CTNND2: variants seen among roughly 807,000 people sequenced by gnomAD.
The protein encoded by CTNND2 is catenin delta-2.
Under a neutral mutation model 144.4 loss-of-function variants are expected in CTNND2, and 22 were observed. The ratio of observed to expected loss-of-function variants is 0.15; its 90% confidence interval spans 0.11 to 0.22. The LOEUF is 0.22. CTNND2 is among the 10% of genes least tolerant of loss of function. The pLI is 1.00. For missense variants in CTNND2, 1,353 were observed against 1,618.8 expected (o/e 0.84, Z 2.82); for synonymous variants, 751 against 695.6 (o/e 1.08, Z -1.25).
At position 11,340,987 on chromosome 5, in the gene CTNND2, T is replaced by C. The variant is rs143775516; in HGVS notation, c.1628+5385A>G. 1.5e-3 allele frequency among the ~76,000 whole-genome samples: 235 copies of C among 152,356 alleles called. 3 individuals are homozygous for C. In the East Asian group the frequency reaches 0.022, roughly 14 times the overall value. ...ACTGTTATAAACATTGTTGTCATCT[T>C]ACTGTCAAGAAACCCTAAAGTGAAC... On this transcript the variant is annotated intron_variant, in intron 9 of 21. Coordinates refer to ENST00000304623, the MANE Select transcript of CTNND2 (RefSeq NM_001332.4).
chr5:11,800,307 C>T (rs753619934), intron 1 of CTNND2, among the ~76,000 whole-genome samples: 16 of 152,046 alleles, frequency 1.1e-4, no homozygotes, highest in Middle Eastern at 3.4e-3. Context: ...TGATTCAATA[C>T]GATATGGTTT....
chr5:11,642,013 G>T (rs750226032), intron 2 of CTNND2, among the ~76,000 whole-genome samples: 1 of 151,884 alleles, frequency 6.6e-6, no homozygotes, highest in Admixed American at 6.6e-5. Flanking sequence ...AAGGTTTAGG[G>T]TAATTGTTTT....
chr5:11,700,979 A>G (rs1022290100), intron 2 of CTNND2, among the ~76,000 whole-genome samples: 1 of 152,218 alleles, frequency 6.6e-6, no homozygotes, highest in Non-Finnish European at 1.5e-5. Flanking sequence ...TCTTTATTTC[A>G]TGAGTAGCAT....
chr5:11,356,300 T>C (rs1431908669), intron 8 of CTNND2, among the ~76,000 whole-genome samples: 2 of 151,996 alleles, frequency 1.3e-5, no homozygotes, highest in Non-Finnish European at 2.9e-5. Flanking sequence ...CTTCAAAATA[T>C]ATGACAAAGC....
At chr5:11,367,791 G>A (rs1480376453) in intron 7 of CTNND2, among the ~76,000 whole-genome samples, 2 of 151,874 alleles carry the variant, frequency 1.3e-5, no homozygotes, top group Admixed American at 6.5e-5. Flanking sequence ...TCAAAACATG[G>A]ATGAGCCAAA....
intron 16 of CTNND2, among the ~76,000 whole-genome samples, 189 bp from the exon 17 acceptor site, chr5:11,023,168 A>T (rs1245565920): frequency 6.6e-6 from 1 of 152,182 alleles, no homozygotes; most frequent in African/African-American, 2.4e-5. Flanking sequence ...GTCATTCCTC[A>T]TGGCAGTGCA....
At chr5:11,270,867 C>T (rs959320174) in intron 9 of CTNND2, among the ~76,000 whole-genome samples, 1 of 152,102 alleles carries the variant, frequency 6.6e-6, no homozygotes, top group African/African-American at 2.4e-5. Context: ...GTGAATGCCA[C>T]GTGGAACCAA....
At chr5:11,334,738 T>G (rs1753564316) in intron 9 of CTNND2, among the ~76,000 whole-genome samples, 1 of 152,154 alleles carries the variant, frequency 6.6e-6, no homozygotes, top group East Asian at 1.9e-4. Flanking sequence ...GGCCCTCACT[T>G]TGGGGGTTTC....
chr5:11,155,581 G>A (rs1375132279), intron 12 of CTNND2, among the ~76,000 whole-genome samples: 1 of 152,146 alleles, frequency 6.6e-6, no homozygotes, highest in African/African-American at 2.4e-5. Flanking sequence ...CGGAGGCAGA[G>A]CGTAGAAATG....
At chr5:11,780,880 A>C (rs1790507745) in intron 1 of CTNND2, among the ~76,000 whole-genome samples, 1 of 152,194 alleles carries the variant, frequency 6.6e-6, no homozygotes, top group Non-Finnish European at 1.5e-5. Context: ...GAGCCACTGC[A>C]AGCTGGCCAG....
intron 16 of CTNND2, among the ~76,000 whole-genome samples, chr5:11,075,340 C>T (rs960730283): frequency 6.6e-6 from 1 of 152,152 alleles, no homozygotes; most frequent in African/African-American, 2.4e-5. Flanking sequence ...AAAAGAAAGC[C>T]CAGCGTGAAA....
At chr5:11,736,803 A>G (rs946234323) in intron 1 of CTNND2, among the ~76,000 whole-genome samples, 2 of 152,206 alleles carry the variant, frequency 1.3e-5, no homozygotes, top group African/African-American at 4.8e-5. Context: ...GCCATTCCAG[A>G]TAAGTAAAAT....
chr5:11,282,604 C>T (rs561190541), intron 9 of CTNND2, among the ~76,000 whole-genome samples: 18 of 152,300 alleles, frequency 1.2e-4, no homozygotes, highest in African/African-American at 3.8e-4. Context: ...ACTGTTTTGT[C>T]TTCCTGTAGA....
At chr5:11,428,484 T>C (rs1023646009) in intron 3 of CTNND2, among the ~76,000 whole-genome samples, 1 of 152,162 alleles carries the variant, frequency 6.6e-6, no homozygotes, top group African/African-American at 2.4e-5. Flanking sequence ...TGAGACTCCA[T>C]AGTAGCTTTA....
At chr5:11,317,946 G>C (rs532875450) in intron 9 of CTNND2, among the ~76,000 whole-genome samples, 117 of 152,288 alleles carry the variant, frequency 7.7e-4, no homozygotes, top group Non-Finnish European at 1.2e-3. Flanking sequence ...GGATTTTTAT[G>C]CTTCTTTGTA....
At chr5:11,024,231 A>G (rs1296614485) in intron 16 of CTNND2, among the ~76,000 whole-genome samples, 16 of 152,172 alleles carry the variant, frequency 1.1e-4, no homozygotes, top group South Asian at 2.1e-4. Flanking sequence ...CTCTTATCCT[A>G]TGTTTAGGTG....
At chr5:11,507,190 A>T (rs1771134732) in intron 3 of CTNND2, among the ~76,000 whole-genome samples, 1 of 152,198 alleles carries the variant, frequency 6.6e-6, no homozygotes, top group Non-Finnish European at 1.5e-5. Flanking sequence ...CACCCTTAGT[A>T]TGGCTAAGGA....
At chr5:11,885,997 C>A (rs539352325) in intron 1 of CTNND2, among the ~76,000 whole-genome samples, 3 of 151,946 alleles carry the variant, frequency 2.0e-5, no homozygotes, top group East Asian at 3.9e-4. Flanking sequence ...AAACACAACA[C>A]AACATACCAA....
chr5:11,749,370 T>C (rs1392065875), intron 1 of CTNND2, among the ~76,000 whole-genome samples: 4 of 152,042 alleles, frequency 2.6e-5, no homozygotes, highest in Non-Finnish European at 5.9e-5. Flanking sequence ...TTGAGGGTCA[T>C]TACCTAATGC....
Sources: gnomAD v4.1 joint callset for allele counts (sites outside exome capture counted in the v4.1 genomes callset) on GRCh38, gnomAD v4.1.1 for gene constraint, MANE v1.5 for transcripts, NCBI Gene and HGNC (gene_info 2026-07-23, HGNC 2026-07-21) for gene names.